Variants in SMPDL3B observed in about 807,000 individuals in gnomAD.
SMPDL3B encodes acid sphingomyelinase-like phosphodiesterase 3b.
Under a neutral mutation model 37.9 loss-of-function variants are expected in SMPDL3B, and 31 were observed. That is an observed-to-expected ratio of 0.82 (90% CI 0.61 to 1.10). SMPDL3B has a LOEUF of 1.10. Among genes scored for constraint, SMPDL3B ranks in the 50% least tolerant of loss-of-function variants. The pLI, the probability that SMPDL3B is intolerant of heterozygous loss-of-function variation, is 0.00. For missense variants in SMPDL3B, 525 were observed against 597.8 expected (o/e 0.88, Z 1.27); for synonymous variants, 235 against 242.6 (o/e 0.97, Z 0.29).
rs746141905 is a variant in SMPDL3B at position 27,954,487 on chromosome 1, G to C, written c.651G>C (p.Leu217=). ...MADPGQQFQW[L]EDVLTDASKA... is the part of the protein sequence containing the mutation. ...ACCCTGGCCAGCAGTTCCAGTGGCT[G>C]GAAGATGTGCTGACCGATGCATCCA... The change falls in exon 5 of 8, where the codon CTG becomes CTC. Residue 217 remains leucine, a synonymous_variant. Coordinates refer to ENST00000373894, the MANE Select transcript of SMPDL3B (RefSeq NM_014474.4). 12 of 1,614,048 alleles carry C rather than the reference G, an allele frequency of 7.4e-6. No individual in the cohort carries two copies. The South Asian group carries it at 1.1e-4, about 15-fold the overall frequency.
intron 2 of SMPDL3B, among the ~76,000 whole-genome samples, chr1:27,947,647 T>C (rs1418256161): frequency 2.4e-5 from 2 of 83,878 alleles, no homozygotes; most frequent in Non-Finnish European, 5.1e-5. Flanking sequence ...AATTAGGTGT[T>C]TTTTTGTTTT....
rs374553194 is a variant in SMPDL3B at position 27,954,441 on chromosome 1, C to T, written c.605C>T (p.Ala202Val). 52 of 1,614,080 alleles carry T rather than the reference C, an allele frequency of 3.2e-5. No individual in the cohort carries two copies. The highest frequency in any genetic ancestry group is 6.7e-5 in the Admixed American group (4 of 60,032). ...ACCAATCTGTACTATACCAGCAATG[C>T]GCTGACAGCAGACATGGCGGACCCT... ...LNTNLYYTSN[A>V]LTADMADPGQ... is the part of the protein sequence containing the mutation. The change falls in exon 5 of 8, where the codon GCG becomes GTG. Residue 202 changes from alanine to valine, a missense_variant. By Grantham distance (64) the Ala-to-Val change is moderately conservative. Transcript: ENST00000373894.
In SMPDL3B at chr1:27,953,706, C is replaced by T. The variant is rs575880333; in HGVS notation, c.517+348C>T. Among the ~76,000 whole-genome samples, 34 of 152,336 alleles carry T rather than the reference C, an allele frequency of 2.2e-4. No homozygotes were observed. In the South Asian group the frequency reaches 6.4e-3, roughly 29 times the overall value. On this transcript the variant is annotated intron_variant, in intron 4 of 7. Coordinates refer to ENST00000373894, the MANE Select transcript of SMPDL3B (RefSeq NM_014474.4). ...GGTTTGAACCTTGCCACCACTGACACCATGGGCTGGATAACTCTGTCGCAG... is the reference window on the plus strand; with the variant it reads ...GGTTTGAACCTTGCCACCACTGACATCATGGGCTGGATAACTCTGTCGCAG...
chr1:27,950,224 C>T (rs1298757789), intron 3 of SMPDL3B, among the ~76,000 whole-genome samples: 1 of 152,168 alleles, frequency 6.6e-6, no homozygotes, highest in South Asian at 2.1e-4. Context: ...CCAGCCAACC[C>T]AAGTCAGGCT....
chr1:27,955,275 A>G (rs149550412), intron 5 of SMPDL3B, among the ~76,000 whole-genome samples: 15 of 152,322 alleles, frequency 9.8e-5, no homozygotes, highest in African/African-American at 1.7e-4. Flanking sequence ...GTGTTGTCAG[A>G]TGAGTGACTC....
At position 27,955,828 on chromosome 1, in the gene SMPDL3B, C is replaced by A; in HGVS notation, c.835C>A (p.His279Asn). ...VIAGQFFGHH[H>N]TDSFRMLYDD... ...AGCAGGGCAGTTCTTCGGGCACCACCACACCGACAGCTTTCGGATGCTCTA... is the reference window on the plus strand; with the variant it reads ...AGCAGGGCAGTTCTTCGGGCACCACAACACCGACAGCTTTCGGATGCTCTA... Residue 279 changes from histidine to asparagine, a missense_variant, in exon 6 of 8, where the codon CAC (histidine) becomes AAC (asparagine). Transcript: ENST00000373894. The A allele has an allele frequency of 6.2e-7, 1 of 1,614,092 alleles. No homozygotes were observed. The highest frequency in any genetic ancestry group is 8.5e-7 in the Non-Finnish European group (1 of 1,179,992).
intron 1 of SMPDL3B, among the ~76,000 whole-genome samples, chr1:27,944,036 A>G (rs537661883): frequency 2.7e-5 from 4 of 148,552 alleles, no homozygotes; most frequent in South Asian, 4.3e-4. Context: ...AAAAAAAGAA[A>G]CTACTGTGCC....
Position 27,945,337 on chromosome 1 carries a change from C to G in SMPDL3B, c.167C>G (p.Ala56Gly), listed in dbSNP as rs1439609985. 1 of 1,614,034 alleles carries G rather than the reference C, an allele frequency of 6.2e-7. No individual in the cohort carries two copies. Among genetic ancestry groups the G allele is most frequent in the Non-Finnish European group, 8.5e-7 (1 of 1,179,988 alleles). Residue 56 changes from alanine to glycine, a missense_variant, in exon 2 of 8, where the codon GCA becomes GGA. Transcript: ENST00000373894. The surrounding 1 kb of genome is among the most constrained non-coding windows in gnomAD (Gnocchi z 4.0). ...GCTGGATCCCAGCCAGTGCCCGACG[C>G]AGGCCCCTGGGGTGACTACCTCTGT... ...PSAGSQPVPD[A>G]GPWGDYLCDS...
chr1:27,959,077 C>T lies in SMPDL3B; in HGVS notation c.*239C>T, dbSNP rs1638394330. 1.9e-6 allele frequency: 1 copy of T among 533,142 alleles called. No individual in the cohort carries two copies. Among genetic ancestry groups the T allele is most frequent in the South Asian group, 2.8e-5 (1 of 36,020 alleles). 33.0% of individuals were successfully genotyped at this position (533,142 alleles called of 1,614,324 possible). On this transcript the variant is annotated 3_prime_UTR_variant, in exon 8 of 8. Coordinates refer to ENST00000373894, the MANE Select transcript of SMPDL3B (RefSeq NM_014474.4). ...ACCAGAAACAGAAAAGAAATGACGA[C>T]CCAAGACCCCCCTACAAGCATACTT...
At chr1:27,953,427 C>A in intron 4 of SMPDL3B, 69 bp downstream of exon 4, 1 of 1,344,264 alleles carries the variant, frequency 7.4e-7, no homozygotes, top group Non-Finnish European at 1.0e-6. Flanking sequence ...GTCTTCACAA[C>A]AACCTCTTAG....
chr1:27,955,657 C>A, intron 5 of SMPDL3B, 27 bp from the exon 6 acceptor site: 1 of 1,599,102 alleles, frequency 6.3e-7, no homozygotes. Flanking sequence ...CATCTGTGAG[C>A]CTCTTCTGGG....
intron 1 of SMPDL3B, among the ~76,000 whole-genome samples, chr1:27,935,998 A>G (rs1314864962): frequency 6.6e-6 from 1 of 152,178 alleles, no homozygotes; most frequent in Non-Finnish European, 1.5e-5. Context: ...GGCAGGTGCC[A>G]AATCATGGAT....
chr1:27,956,579 G>A lies in SMPDL3B; in HGVS notation c.1005+497G>A, dbSNP rs980671083. On this transcript the variant is annotated intron_variant, in intron 7 of 7. Transcript: ENST00000373894. The stretch of plus-strand genomic sequence containing the variant: ...AATTCTTTGGGCAGTCCCTCACCTC[G>A]TAGGATGAGCTTGTGGTTGTTGAGA... 1.2e-5 allele frequency: 9 copies of A among 747,478 alleles called. No individual in the cohort carries two copies. The South Asian group carries it at 1.6e-4, about 14-fold the overall frequency. 46.3% of individuals were successfully genotyped at this position (747,478 alleles called of 1,614,324 possible). A position where few individuals can be genotyped will look rare whatever the true frequency, so the allele number is the denominator to read the frequency against.
Position 27,945,424 on chromosome 1 carries a change from C to T in SMPDL3B, c.254C>T (p.Pro85Leu). The change falls in exon 2 of 8, where the codon CCA becomes CTA. Residue 85 changes from proline to leucine, a missense_variant. Pro to Leu is a moderately conservative substitution (Grantham distance 98, BLOSUM62 -3). Coordinates refer to ENST00000373894, the MANE Select transcript of SMPDL3B (RefSeq NM_014474.4). This position sits in a 1 kb window ranked among gnomAD's most constrained non-coding sequence, Gnocchi z 4.0. ...IYAMKEIEPE[P>L]DFILWTGDDT... ...GCCATGAAGGAGATTGAGCCAGAGC[C>T]AGACTTCATTCTCTGGACTGGGTGA... is the stretch of plus-strand genomic sequence containing the variant. 1 of 1,614,094 alleles carries T rather than the reference C, an allele frequency of 6.2e-7. No homozygotes were observed. The highest frequency in any genetic ancestry group is 1.1e-5 in the South Asian group (1 of 91,072).
At chr1:27,950,651 GC>G (rs1202264645) in intron 3 of SMPDL3B, among the ~76,000 whole-genome samples, 4 of 151,838 alleles carry the variant, frequency 2.6e-5, no homozygotes, top group African/African-American at 9.7e-5. Flanking sequence ...TTTTTTTAAG[GC>G]TGAGTCTTGC....
intron 1 of SMPDL3B, among the ~76,000 whole-genome samples, chr1:27,938,511 T>C (rs2090327503): frequency 2.0e-5 from 3 of 152,216 alleles, no homozygotes; most frequent in Non-Finnish European, 2.9e-5. Context: ...TTTTACTGTT[T>C]ATAAAATAGG....
chr1:27,949,380 C>T (rs1279551313), intron 3 of SMPDL3B, among the ~76,000 whole-genome samples: 1 of 152,196 alleles, frequency 6.6e-6, no homozygotes, highest in Non-Finnish European at 1.5e-5. Flanking sequence ...AGAATCCTAT[C>T]AAAGGAAATG....
At chr1:27,957,605 C>T (rs1638329317) in intron 7 of SMPDL3B, among the ~76,000 whole-genome samples, 1 of 152,088 alleles carries the variant, frequency 6.6e-6, no homozygotes, top group Admixed American at 6.5e-5. Context: ...CATGAGCTAA[C>T]CCAGGTCCTT....
intron 1 of SMPDL3B, among the ~76,000 whole-genome samples, chr1:27,939,276 T>A (rs2090335372): frequency 6.6e-6 from 1 of 152,218 alleles, no homozygotes; most frequent in Admixed American, 6.5e-5. Context: ...TGACTATGAC[T>A]ATGGGAGTTC....
Sources: allele counts gnomAD v4.1 joint callset (sites outside exome capture counted in the v4.1 genomes callset), GRCh38; gene constraint gnomAD v4.1.1; non-coding constraint Gnocchi (gnomAD v3.1); transcripts MANE v1.5; gene names NCBI Gene and HGNC (gene_info 2026-07-23, HGNC 2026-07-21).